The following SIDT1 variants were observed in gnomAD, a reference collection of about 807,000 sequenced individuals.
The protein encoded by SIDT1 is SID1 transmembrane family member 1.
A neutral mutation model predicts 107.5 loss-of-function variants in SIDT1; 101 were observed. The observed-to-expected ratio is 0.94, with a 90% CI of 0.80 to 1.11. The LOEUF is 1.11. Among genes scored for constraint, SIDT1 ranks in the 50% least tolerant of loss-of-function variants. SIDT1 has a pLI of 0.00. For missense variants in SIDT1, 1,076 were observed against 1,058.2 expected (o/e 1.02, Z -0.23); for synonymous variants, 395 against 398.2 (o/e 0.99, Z 0.10).
chr3:113,566,590 A>G (rs762350966), intron 2 of SIDT1, 49 bp downstream of exon 2: 9 of 1,590,948 alleles, frequency 5.7e-6, no homozygotes, highest in African/African-American at 4.1e-5. Flanking sequence ...GTTTTCTTCA[A>G]TGTCCTAGAA....
Position 113,601,675 on chromosome 3 carries a change from T to C in SIDT1, c.1117+16T>C. ...GGGACAATAGGTATGTCCTACCAGG[T>C]CTGTTCATGAAAGTGTTTCCTAATT... On this transcript the variant is annotated intron_variant, in intron 11 of 24. Coordinates refer to ENST00000264852, the MANE Select transcript of SIDT1 (RefSeq NM_017699.3). 6.3e-7 allele frequency: 1 copy of C among 1,591,234 alleles called. No homozygotes were observed. The highest frequency in any genetic ancestry group is 8.6e-7 in the Non-Finnish European group (1 of 1,161,470).
At chr3:113,540,550 A>G (rs1028585872) in intron 1 of SIDT1, among the ~76,000 whole-genome samples, 2 of 152,228 alleles carry the variant, frequency 1.3e-5, no homozygotes, top group Admixed American at 6.5e-5. Flanking sequence ...AACATTGCAT[A>G]GACCCTGTTA....
rs146992283 is a variant in SIDT1, at chr3:113,608,182, C to G, written c.1567C>G (p.Arg523Gly). The change falls in exon 16 of 25, where the codon CGG becomes GGG. Residue 523 changes from arginine to glycine, a missense_variant. Physicochemically the swap from Arg to Gly is moderately radical, Grantham distance 125. Transcript: ENST00000264852. The stretch of plus-strand genomic sequence containing the variant: ...AGTCTTGCGCCGCGACATCCTCCAT[C>G]GGAGAGCCCTGGAAGCCAAGGACAT... ...LIVLRRDILHRRALEAKDIFA... is the reference protein window; with the variant it reads ...LIVLRRDILHGRALEAKDIFA... The G allele has an allele frequency of 2.0e-5, 32 of 1,608,814 alleles. No homozygotes were observed. The highest frequency in any genetic ancestry group is 2.5e-5 in the Non-Finnish European group (30 of 1,177,572).
chr3:113,585,153 C>T, intron 8 of SIDT1, 24 bp from the exon 9 acceptor site: 2 of 1,563,566 alleles, frequency 1.3e-6, no homozygotes, highest in South Asian at 1.1e-5. Flanking sequence ...GATGACCTGA[C>T]CAAAGTTGTT....
At chr3:113,636,973 G>T in the SIDT1 span, among the ~76,000 whole-genome samples, 16 of 152,276 alleles carry the variant, frequency 1.1e-4, 1 homozygote, top group South Asian at 3.3e-3. Flanking sequence ...CAATAAACAG[G>T]TAAGAATGAG....
At chr3:113,608,973 A>G (rs2107711170) in intron 17 of SIDT1, among the ~76,000 whole-genome samples, 1 of 152,028 alleles carries the variant, frequency 6.6e-6, no homozygotes, top group Non-Finnish European at 1.5e-5. Context: ...GAAGCCTTCA[A>G]TTAAGAGCAA....
chr3:113,607,197 TAAA>T, intron 15 of SIDT1, 83 bp downstream of exon 15: 2 of 839,736 alleles, frequency 2.4e-6, no homozygotes, highest in Non-Finnish European at 3.9e-6. Context: ...TTAAAAATAC[TAAA>T]AACAACTGTG....
intron 1 of SIDT1, among the ~76,000 whole-genome samples, chr3:113,557,015 C>T (rs2107692536): frequency 6.6e-6 from 1 of 151,958 alleles, no homozygotes; most frequent in African/African-American, 2.4e-5. Flanking sequence ...AGGCGGGTTT[C>T]ACCATATTGG....
intron 3 of SIDT1, among the ~76,000 whole-genome samples, chr3:113,571,508 A>ACC (rs1425214165): frequency 6.6e-6 from 1 of 151,934 alleles, no homozygotes; most frequent in East Asian, 1.9e-4. Flanking sequence ...ACACACACAC[A>ACC]CATAAACTGT....
At chr3:113,562,001 G>A (rs953006267) in intron 1 of SIDT1, among the ~76,000 whole-genome samples, 12 of 152,270 alleles carry the variant, frequency 7.9e-5, no homozygotes, top group Middle Eastern at 3.4e-3. Context: ...ATATAATGCT[G>A]GTGAGTGTCT....
At chr3:113,601,875 C>G (rs755259430) in intron 11 of SIDT1, 2 of 478,046 alleles carry the variant, frequency 4.2e-6, no homozygotes, top group Non-Finnish European at 7.4e-6. Context: ...GATCTGCTAG[C>G]CCCACTTGGG....
At chr3:113,559,496 T>C (rs1174842285) in intron 1 of SIDT1, among the ~76,000 whole-genome samples, 1 of 151,994 alleles carries the variant, frequency 6.6e-6, no homozygotes, top group Non-Finnish European at 1.5e-5. Flanking sequence ...GGCTGCAGTG[T>C]AGTGGCCCAA....
chr3:113,605,627 A>G (rs1342638731), intron 14 of SIDT1, among the ~76,000 whole-genome samples: 1 of 152,228 alleles, frequency 6.6e-6, no homozygotes, highest in African/African-American at 2.4e-5. Flanking sequence ...GAGTAAATAA[A>G]GTTCCAGACT....
At chr3:113,607,665 C>T (rs1274160688) in intron 15 of SIDT1, among the ~76,000 whole-genome samples, 1 of 152,218 alleles carries the variant, frequency 6.6e-6, no homozygotes. Context: ...AATAAAGCTG[C>T]TGGCTATGAT....
At position 113,574,962 on chromosome 3, in the gene SIDT1, G is replaced by A. The variant is rs577325139; in HGVS notation, c.516-1960G>A. On this transcript the variant is annotated intron_variant, in intron 3 of 24. Coordinates refer to ENST00000264852, the MANE Select transcript of SIDT1 (RefSeq NM_017699.3). ...CCCCACCTCTGTTAGGGTTCATGTG[G>A]AAGGAAGCAGAATATTTCATCTGCA... Among the ~76,000 whole-genome samples, 7 of 152,254 alleles carry A rather than the reference G, an allele frequency of 4.6e-5. No homozygotes were observed. In the South Asian group the frequency reaches 1.5e-3, roughly 32 times the overall value.
At chr3:113,607,486 G>T (rs1228653935) in intron 15 of SIDT1, among the ~76,000 whole-genome samples, 2 of 152,246 alleles carry the variant, frequency 1.3e-5, no homozygotes, top group African/African-American at 4.8e-5. Context: ...GGCAGGTGAG[G>T]ATTTGCTGAA....
chr3:113,603,983 G>T lies in SIDT1; in HGVS notation c.1287G>T (p.Leu429Phe). The T allele has an allele frequency of 1.2e-6, 2 of 1,611,846 alleles. No homozygotes were observed. The highest frequency in any genetic ancestry group is 1.7e-6 in the Non-Finnish European group (2 of 1,178,932). The change falls in exon 13 of 25, where the codon TTG becomes TTT. Residue 429 changes from leucine (L) to phenylalanine (F), a missense_variant. Coordinates refer to ENST00000264852, the MANE Select transcript of SIDT1 (RefSeq NM_017699.3). Reference protein sequence around the residue: ...RTKMFLYLSDLSRKDRRIVSK... With the variant: ...RTKMFLYLSDFSRKDRRIVSK... ...AGATGTTCCTTTACCTGTCAGATTT[G>T]TCCAGGAAGGACCGGAGAATTGTCA...
chr3:113,586,902 G>T (rs1223777488), intron 9 of SIDT1, among the ~76,000 whole-genome samples: 1 of 152,150 alleles, frequency 6.6e-6, no homozygotes, highest in Non-Finnish European at 1.5e-5. Flanking sequence ...GATTGAAGGA[G>T]ACTAAAGATA....
intron 1 of SIDT1, among the ~76,000 whole-genome samples, chr3:113,556,811 G>GTTTCTT (rs1465476077): frequency 1.2e-4 from 7 of 56,398 alleles, no homozygotes; most frequent in South Asian, 8.5e-4. Flanking sequence ...TATGCCCTAA[G>GTTTCTT]TTTCTTTTTC....
Sources: allele counts gnomAD v4.1 joint callset (sites outside exome capture counted in the v4.1 genomes callset), GRCh38; gene constraint gnomAD v4.1.1; transcripts MANE v1.5; gene names NCBI Gene and HGNC (gene_info 2026-07-23, HGNC 2026-07-21).